The following LPCAT3 variants were observed in gnomAD, a reference collection of about 807,000 sequenced individuals.
LPCAT3 encodes the protein lysophosphatidylcholine acyltransferase 3.
Under a neutral mutation model 63.4 loss-of-function variants are expected in LPCAT3, and 21 were observed. The observed-to-expected ratio is 0.33, with a 90% CI of 0.23 to 0.48. LPCAT3 has a LOEUF of 0.48. Ranked by LOEUF, LPCAT3 falls within the 20% of genes least tolerant of loss-of-function variation. The probability of loss-of-function intolerance (pLI) is 0.99; values close to 1 mark genes in which losing one functional copy is unlikely to be tolerated. For synonymous variants in LPCAT3, 242 were observed against 227.5 expected (o/e 1.06, Z -0.58); for missense variants, 451 against 590.6 (o/e 0.76, Z 2.45).
At chr12:6,978,259 G>A in intron 9 of LPCAT3, 82 bp downstream of exon 9, 1 of 1,487,680 alleles carries the variant, frequency 6.7e-7, no homozygotes, top group Non-Finnish European at 9.1e-7. Flanking sequence ...GCATAGGGGT[G>A]ACATGGTACA....
At chr12:6,990,799 C>T (rs1946582119) in intron 1 of LPCAT3, among the ~76,000 whole-genome samples, 1 of 150,636 alleles carries the variant, frequency 6.6e-6, no homozygotes, top group Non-Finnish European at 1.5e-5. Context: ...CGCCTGTGAT[C>T]CCAGCTACTT....
chr12:6,993,268 T>C (rs992515194), intron 1 of LPCAT3, among the ~76,000 whole-genome samples: 18 of 151,978 alleles, frequency 1.2e-4, no homozygotes, highest in South Asian at 2.1e-4. Flanking sequence ...TGAAACCCTG[T>C]CTCTACTAAC....
At chr12:7,004,120 G>A (rs1417229203) in intron 1 of LPCAT3, among the ~76,000 whole-genome samples, 3 of 152,010 alleles carry the variant, frequency 2.0e-5, no homozygotes, top group African/African-American at 4.8e-5. Flanking sequence ...TAGAAAACCC[G>A]TTTTATGGCT....
At chr12:6,994,838 C>G (rs942327894) in intron 1 of LPCAT3, among the ~76,000 whole-genome samples, 34 of 152,202 alleles carry the variant, frequency 2.2e-4, no homozygotes, top group African/African-American at 8.2e-4. Flanking sequence ...CCGTTTCTTT[C>G]ACCGAAGGCA....
At position 6,977,817 on chromosome 12, in the gene LPCAT3, CT is replaced by C; in HGVS notation, c.1041-73del. 1 of 1,564,510 alleles carries C rather than the reference CT, an allele frequency of 6.4e-7. No homozygotes were observed. The highest frequency in any genetic ancestry group is 2.2e-5 in the East Asian group (1 of 44,684). ...GCATCCCGCCACCTGCCTCTGGGTC[CT>C]CACCCTGAGGATTGGATTGGAGTGC... On this transcript the variant is annotated intron_variant, in intron 9 of 12. Transcript: ENST00000261407. This position sits in a 1 kb window ranked among gnomAD's most constrained non-coding sequence, Gnocchi z 4.5.
rs1416933707 is a variant in LPCAT3, at chr12:7,018,022, GC to G, written c.151+251del. Among the ~76,000 whole-genome samples the G allele has an allele frequency of 2.6e-5, 4 of 152,032 alleles. No individual in the cohort carries two copies. The highest frequency in any genetic ancestry group is 5.9e-5 in the Non-Finnish European group (4 of 67,998). On this transcript the variant is annotated intron_variant, in intron 1 of 12. Coordinates refer to ENST00000261407, the MANE Select transcript of LPCAT3 (RefSeq NM_005768.6). The surrounding 1 kb of genome is among the most constrained non-coding windows in gnomAD (Gnocchi z 4.9). ...TAGAGCCTGGCACAAGAGGGCGGGG[GC>G]CCGACTGAGAGGCCAGAGGGCATGG...
intron 1 of LPCAT3, among the ~76,000 whole-genome samples, chr12:7,014,536 C>T (rs181318453): frequency 2.1e-4 from 32 of 152,292 alleles, no homozygotes; most frequent in Admixed American, 1.9e-3. Context: ...CAAAATACTC[C>T]AGTGCAGCAG....
At chr12:7,011,647 C>CAA (rs1177972639) in intron 1 of LPCAT3, among the ~76,000 whole-genome samples, 24 of 75,582 alleles carry the variant, frequency 3.2e-4, no homozygotes, top group East Asian at 1.1e-3. Context: ...CACCATGTCT[C>CAA]AAAAAAAAAA....
chr12:6,988,605 C>T (rs1000979477), intron 1 of LPCAT3, among the ~76,000 whole-genome samples: 2 of 152,106 alleles, frequency 1.3e-5, no homozygotes, highest in Non-Finnish European at 2.9e-5. Flanking sequence ...TAAAAAATGA[C>T]CGAAGCCCCT....
intron 1 of LPCAT3, among the ~76,000 whole-genome samples, chr12:7,007,973 C>T (rs1946738907): frequency 6.6e-6 from 1 of 152,082 alleles, no homozygotes; most frequent in Non-Finnish European, 1.5e-5. Flanking sequence ...TATGAGCAGC[C>T]TCTATTACTA....
chr12:6,993,128 T>C (rs1292537892), intron 1 of LPCAT3, among the ~76,000 whole-genome samples: 1 of 152,176 alleles, frequency 6.6e-6, no homozygotes, highest in African/African-American at 2.4e-5. Context: ...GTGTAAAATG[T>C]AATGTTTTTT....
intron 1 of LPCAT3, among the ~76,000 whole-genome samples, chr12:7,000,200 G>A (rs969833354): frequency 8.6e-5 from 13 of 151,894 alleles, no homozygotes; most frequent in African/African-American, 2.7e-4. Flanking sequence ...GATTATAGGC[G>A]TGAGCCACCG....
chr12:7,014,668 A>G (rs1394340050), intron 1 of LPCAT3, among the ~76,000 whole-genome samples: 1 of 152,028 alleles, frequency 6.6e-6, no homozygotes, highest in Non-Finnish European at 1.5e-5. Context: ...AGGCCGAGGC[A>G]GGTGGATCAC....
chr12:6,984,324 G>A (rs1475614399), intron 1 of LPCAT3, among the ~76,000 whole-genome samples: 1 of 152,144 alleles, frequency 6.6e-6, no homozygotes, highest in African/African-American at 2.4e-5. Context: ...CATGGCCAAG[G>A]GTTGCTTATT....
chr12:6,980,675 A>G (rs1207337538), intron 6 of LPCAT3: 1 of 169,272 alleles, frequency 5.9e-6, no homozygotes, highest in Non-Finnish European at 1.3e-5. Flanking sequence ...CTACCTACCT[A>G]TCAACCTGCC....
intron 1 of LPCAT3, among the ~76,000 whole-genome samples, chr12:7,002,773 G>A (rs1047910772): frequency 6.6e-6 from 1 of 152,208 alleles, no homozygotes; most frequent in Non-Finnish European, 1.5e-5. Context: ...CACTTTGGGA[G>A]GCTGAGGTGG....
In LPCAT3 at chr12:6,977,152, C is replaced by T. The variant is rs1397299454; in HGVS notation, c.1458G>A (p.Met486Ile). 6 of 1,597,984 alleles carry T rather than the reference C, an allele frequency of 3.8e-6. No individual in the cohort carries two copies. The highest frequency in any genetic ancestry group is 1.7e-5 in the Admixed American group (1 of 59,964). ...AACTTACCAGGGAAATGGATTATTC[C>T]ATCTTCTTTAACTTCTCTTTCCTTG... Reference protein sequence around the residue: ...MVPRKEKLKKME With the variant: ...MVPRKEKLKKIE The change falls in exon 12 of 13, where the codon ATG (methionine) becomes ATA (isoleucine). Residue 486 changes from methionine to isoleucine, a missense_variant. Coordinates refer to ENST00000261407, the MANE Select transcript of LPCAT3 (RefSeq NM_005768.6). This position sits in a 1 kb window ranked among gnomAD's most constrained non-coding sequence, Gnocchi z 4.5.
Position 6,978,678 on chromosome 12 carries a change from G to C in LPCAT3, c.798C>G (p.Phe266Leu). The C allele has an allele frequency of 6.2e-7, 1 of 1,614,196 alleles. No individual in the cohort carries two copies. Among genetic ancestry groups the C allele is most frequent in the East Asian group, 2.2e-5 (1 of 44,884 alleles). ...LLTEDYDNHP[F>L]WFRCMYMLIW... Reference sequence around the variant, plus strand: ...TCAGCATGTACATGCAGCGGAACCAGAAGGGGTGGTTCTTGAGGGAAGAAA... The same window carrying C: ...TCAGCATGTACATGCAGCGGAACCACAAGGGGTGGTTCTTGAGGGAAGAAA... Residue 266 changes from phenylalanine to leucine, a missense_variant, in exon 8 of 13, where the codon TTC becomes TTG. Transcript: ENST00000261407.
At chr12:6,990,325 T>C (rs1280238458) in intron 1 of LPCAT3, among the ~76,000 whole-genome samples, 6 of 150,596 alleles carry the variant, frequency 4.0e-5, no homozygotes, top group Admixed American at 1.3e-4. Context: ...CTGGTTAACA[T>C]GGTGAAACCC....
Sources: allele counts gnomAD v4.1 joint callset (sites outside exome capture counted in the v4.1 genomes callset), GRCh38; gene constraint gnomAD v4.1.1; non-coding constraint Gnocchi (gnomAD v3.1); transcripts MANE v1.5; gene names NCBI Gene and HGNC (gene_info 2026-07-23, HGNC 2026-07-21).